ADGRL2: variants seen among roughly 807,000 people sequenced by gnomAD.
The protein encoded by ADGRL2 is calcium-independent alpha-latrotoxin receptor 2.
A neutral mutation model predicts 157.4 loss-of-function variants in ADGRL2; 44 were observed. The observed-to-expected ratio is 0.28, with a 90% CI of 0.22 to 0.36. The LOEUF (loss-of-function observed/expected upper bound fraction) is 0.36, where lower values mean the gene tolerates loss of function less well. Ranked by LOEUF, ADGRL2 falls within the 10% of genes least tolerant of loss-of-function variation. The pLI is 1.00. For synonymous variants in ADGRL2, 585 were observed against 624.7 expected (o/e 0.94, Z 0.95); for missense variants, 1,510 against 1,768.9 (o/e 0.85, Z 2.63).
rs2092318261 is a variant in ADGRL2 at position 81,837,026 on chromosome 1, C to T, written c.42C>T (p.Ile14=). The part of the protein sequence containing the change: ...SGCRMRSLWF[I]IVISFLPNTE... ...GCAGAATGCGAAGTCTGTGGTTTAT[C>T]ATTGTAATCAGCTTCTTACCAAATA... Residue 14 remains isoleucine, a synonymous_variant, in exon 2 of 24, where the codon ATC becomes ATT. Coordinates refer to ENST00000686636, the MANE Select transcript of ADGRL2 (RefSeq NM_001366006.2). The T allele has an allele frequency of 6.3e-7, 1 of 1,592,948 alleles. No individual in the cohort carries two copies. Among genetic ancestry groups the T allele is most frequent in the South Asian group, 1.1e-5 (1 of 87,470 alleles).
At chr1:81,384,223 T>G (rs986065466) in intron 1 of ADGRL2, among the ~76,000 whole-genome samples, 1 of 152,182 alleles carries the variant, frequency 6.6e-6, no homozygotes, top group African/African-American at 2.4e-5. Context: ...TATAATGGCA[T>G]GTTATGCAGC....
chr1:81,387,821 C>G (rs1310088790), intron 1 of ADGRL2, among the ~76,000 whole-genome samples: 1 of 152,118 alleles, frequency 6.6e-6, no homozygotes, highest in Non-Finnish European at 1.5e-5. Flanking sequence ...GTCCTTTTCT[C>G]TTCCAGTAAT....
At chr1:81,984,832 CT>C in intron 20 of ADGRL2, 121 bp downstream of exon 20, 3 of 1,125,986 alleles carry the variant, frequency 2.7e-6, no homozygotes, top group Non-Finnish European at 3.7e-6. Context: ...CAAATACTTG[CT>C]TTTTTAGTAT....
chr1:81,372,678 A>C (rs1164939280), intron 1 of ADGRL2, among the ~76,000 whole-genome samples: 4 of 152,162 alleles, frequency 2.6e-5, no homozygotes, highest in African/African-American at 7.2e-5. Context: ...CTGTTTGTTT[A>C]ATAATTGACT....
In ADGRL2 at chr1:81,632,616, G is replaced by A. The variant is rs540853396; in HGVS notation, c.-143+51636G>A. Among the ~76,000 whole-genome samples the A allele has an allele frequency of 2.6e-5, 4 of 152,212 alleles. No individual in the cohort carries two copies. In the East Asian group the frequency reaches 5.8e-4, roughly 22 times the overall value. On this transcript the variant is annotated intron_variant, in intron 3 of 24. Transcript: ENST00000370721. ...TACTGAAAACTACAAAAAATTAGCC[G>A]GATGTGGTGGCAGGCGCCTGTAGTC...
intron 2 of ADGRL2, among the ~76,000 whole-genome samples, chr1:81,862,015 G>A (rs996417295): frequency 1.2e-4 from 18 of 151,910 alleles, no homozygotes; most frequent in African/African-American, 3.9e-4. Flanking sequence ...TTTTGTCATC[G>A]TAGAATGCGG....
At position 81,951,921 on chromosome 1, in the gene ADGRL2, A is replaced by T. The variant is rs762040456; in HGVS notation, c.1609-36A>T. Reference sequence around the variant, plus strand: ...GAACTAGAAGCTGTAAACAGAAAAAAAAATTTAAATGAGATAATACAAATT... The same window carrying T: ...GAACTAGAAGCTGTAAACAGAAAAATAAATTTAAATGAGATAATACAAATT... On this transcript the variant is annotated intron_variant, in intron 8 of 23. Transcript: ENST00000686636. 5 of 1,532,016 alleles carry T rather than the reference A, an allele frequency of 3.3e-6. No homozygotes were observed. The Admixed American group carries it at 1.0e-4, about 32-fold the overall frequency. The allele number at this position is 1,532,016 out of a possible 1,614,324, so 94.9% of individuals were successfully genotyped here.
At chr1:81,486,294 A>G (rs965396430) in intron 2 of ADGRL2, among the ~76,000 whole-genome samples, 12 of 152,180 alleles carry the variant, frequency 7.9e-5, no homozygotes, top group Non-Finnish European at 8.8e-5. Flanking sequence ...TAAGCTCCTC[A>G]AGGTCAGGAA....
chr1:81,622,694 A>G (rs1331512872), intron 3 of ADGRL2, among the ~76,000 whole-genome samples: 1 of 152,124 alleles, frequency 6.6e-6, no homozygotes, highest in African/African-American at 2.4e-5. Context: ...GTTTGAGGTT[A>G]CAGTGAGCTA....
At chr1:81,620,733 A>G (rs1475317198) in intron 3 of ADGRL2, among the ~76,000 whole-genome samples, 2 of 152,244 alleles carry the variant, frequency 1.3e-5, no homozygotes, top group South Asian at 2.1e-4. Context: ...TTGAGGAGAA[A>G]AATCCAAAAC....
In ADGRL2 at chr1:81,817,317, T is replaced by C. The variant is rs72717732; in HGVS notation, c.-101+16249T>C. ...AGATTTATGAATAGATTGAAAAATA[T>C]AAAAATTCGGTGGAAATCAGAAGCT... On this transcript the variant is annotated intron_variant, in intron 1 of 23. Coordinates refer to ENST00000686636, the MANE Select transcript of ADGRL2 (RefSeq NM_001366006.2). Among the ~76,000 whole-genome samples the C allele has an allele frequency of 4.0e-3, 606 of 151,804 alleles. 2 individuals are homozygous for C. The highest frequency in any genetic ancestry group is 3.9e-3 in the Non-Finnish European group (268 of 67,912).
chr1:81,879,575 GAGAA>G (rs2093933463), intron 2 of ADGRL2, among the ~76,000 whole-genome samples: 1 of 149,222 alleles, frequency 6.7e-6, no homozygotes, highest in Admixed American at 6.7e-5. Flanking sequence ...GATTTATAAT[GAGAA>G]AGAAAGAAGT....
chr1:81,482,462 G>A (rs1021657577), intron 2 of ADGRL2, among the ~76,000 whole-genome samples: 5 of 71,004 alleles, frequency 7.0e-5, no homozygotes, highest in Admixed American at 5.7e-4. Context: ...TTAAAATAAG[G>A]CGAATAGCTA....
intron 3 of ADGRL2, among the ~76,000 whole-genome samples, chr1:81,613,295 T>C (rs1317420886): frequency 6.6e-6 from 1 of 152,232 alleles, no homozygotes; most frequent in Admixed American, 6.5e-5. Context: ...ACAGCCATTA[T>C]CATTGTCAAC....
intron 2 of ADGRL2, among the ~76,000 whole-genome samples, chr1:81,788,769 G>C (rs1383782647): frequency 6.6e-6 from 1 of 151,996 alleles, no homozygotes; most frequent in Non-Finnish European, 1.5e-5. Flanking sequence ...AGGCTGGAGT[G>C]CAGTGGCACG....
At chr1:81,955,517 G>A (rs567840422) in intron 10 of ADGRL2, among the ~76,000 whole-genome samples, 2 of 152,184 alleles carry the variant, frequency 1.3e-5, no homozygotes, top group East Asian at 1.9e-4. Context: ...ATCATAAATA[G>A]GATGACTTTA....
intron 2 of ADGRL2, among the ~76,000 whole-genome samples, chr1:81,535,128 T>C (rs2079702838): frequency 6.6e-6 from 1 of 152,178 alleles, no homozygotes; most frequent in Non-Finnish European, 1.5e-5. Context: ...CGGCTTTAAG[T>C]GTGTACAACG....
intron 3 of ADGRL2, among the ~76,000 whole-genome samples, chr1:81,933,468 C>G (rs1471780247): frequency 2.0e-5 from 3 of 152,120 alleles, no homozygotes; most frequent in Non-Finnish European, 4.4e-5. Flanking sequence ...AAAATACAAA[C>G]GACTAAACAC....
chr1:81,756,833 A>C (rs1030807892), intron 1 of ADGRL2, among the ~76,000 whole-genome samples: 4 of 152,206 alleles, frequency 2.6e-5, no homozygotes, highest in Admixed American at 2.6e-4. Context: ...TAGGCACTAA[A>C]TAAATACTTG....
Sources: gnomAD v4.1 joint callset for allele counts (sites outside exome capture counted in the v4.1 genomes callset) on GRCh38, gnomAD v4.1.1 for gene constraint, MANE v1.5 for transcripts, NCBI Gene and HGNC (gene_info 2026-07-23, HGNC 2026-07-21) for gene names.